The following ZBTB20 variants were observed in gnomAD, a reference collection of about 807,000 sequenced individuals.
ZBTB20 encodes zinc finger and BTB domain containing 20, also known as zinc finger and BTB domain-containing protein 20.
Under a neutral mutation model 56.9 loss-of-function variants are expected in ZBTB20, and 9 were observed. The observed-to-expected ratio is 0.16, with a 90% CI of 0.10 to 0.28. The LOEUF (loss-of-function observed/expected upper bound fraction) is 0.28. ZBTB20 is among the 10% of genes least tolerant of loss of function. The pLI is 1.00. For missense variants in ZBTB20, 655 were observed against 1,003.0 expected (o/e 0.65, Z 4.69); for synonymous variants, 417 against 420.7 (o/e 0.99, Z 0.11).
chr3:114,710,656 G>A (rs1291040735), intron 5 of ZBTB20, among the ~76,000 whole-genome samples: 1 of 152,114 alleles, frequency 6.6e-6, no homozygotes, highest in Admixed American at 6.5e-5. Flanking sequence ...GTTATGCAGA[G>A]TTGAACCACT....
intron 5 of ZBTB20, among the ~76,000 whole-genome samples, chr3:114,778,190 A>C (rs2069767727): frequency 6.7e-6 from 1 of 150,230 alleles, no homozygotes; most frequent in South Asian, 2.1e-4. Flanking sequence ...GCACATGTGT[A>C]CATATGTAAC....
At chr3:114,878,741 G>A (rs2076291335) in intron 4 of ZBTB20, among the ~76,000 whole-genome samples, 1 of 152,120 alleles carries the variant, frequency 6.6e-6, no homozygotes, top group African/African-American at 2.4e-5. Context: ...TCTTGAAGAG[G>A]TTTGTTCAGT....
intron 6 of ZBTB20, among the ~76,000 whole-genome samples, chr3:114,664,295 G>A (rs2060921345): frequency 6.6e-6 from 1 of 151,992 alleles, no homozygotes; most frequent in Admixed American, 6.6e-5. Flanking sequence ...GTAGTGAACT[G>A]AAGTATAAGA....
At chr3:114,823,908 T>C (rs2073383184) in intron 4 of ZBTB20, among the ~76,000 whole-genome samples, 1 of 152,060 alleles carries the variant, frequency 6.6e-6, no homozygotes, top group African/African-American at 2.4e-5. Flanking sequence ...ATTTTGTTTT[T>C]AAACCAAAGC....
intron 2 of ZBTB20, among the ~76,000 whole-genome samples, chr3:115,066,677 C>G (rs1267615911): frequency 1.3e-5 from 2 of 152,122 alleles, no homozygotes; most frequent in Non-Finnish European, 2.9e-5. Flanking sequence ...ATATATAAGG[C>G]ACTTCATGAT....
chr3:115,012,216 C>G (rs1216706893), intron 2 of ZBTB20, among the ~76,000 whole-genome samples: 2 of 151,410 alleles, frequency 1.3e-5, no homozygotes, highest in East Asian at 1.9e-4. Flanking sequence ...TCTTACTTAT[C>G]AAGAATACAT....
intron 6 of ZBTB20, among the ~76,000 whole-genome samples, chr3:114,571,102 T>C (rs1038174972): frequency 2.0e-5 from 3 of 152,172 alleles, no homozygotes; most frequent in African/African-American, 7.2e-5. Flanking sequence ...GAAAATATTT[T>C]CAAAATGATG....
intron 6 of ZBTB20, among the ~76,000 whole-genome samples, chr3:114,594,686 G>C (rs946162576): frequency 1.3e-5 from 2 of 152,138 alleles, no homozygotes; most frequent in African/African-American, 4.8e-5. Flanking sequence ...ACAGCAAAAA[G>C]AGGGTAAGGT....
chr3:114,719,304 A>T (rs532204439), intron 5 of ZBTB20, among the ~76,000 whole-genome samples: 1 of 152,258 alleles, frequency 6.6e-6, no homozygotes, highest in Admixed American at 6.5e-5. Context: ...TCATGGAGAT[A>T]TGAATCCATT....
At chr3:115,133,049 A>G (rs2084553133) in intron 1 of ZBTB20, among the ~76,000 whole-genome samples, 1 of 152,182 alleles carries the variant, frequency 6.6e-6, no homozygotes, top group Non-Finnish European at 1.5e-5. Flanking sequence ...CTTTAACAGA[A>G]TTAGATATTA....
At chr3:114,512,005 T>TA (rs2045455548) in intron 6 of ZBTB20, among the ~76,000 whole-genome samples, 2 of 152,134 alleles carry the variant, frequency 1.3e-5, no homozygotes, top group South Asian at 4.1e-4. Context: ...TTTCAAAGAC[T>TA]CTCCTGCCCA....
intron 3 of ZBTB20, among the ~76,000 whole-genome samples, chr3:114,942,202 G>A (rs1209953891): frequency 6.9e-6 from 1 of 145,404 alleles, no homozygotes; most frequent in Non-Finnish European, 1.5e-5. Context: ...CAGAATGCAT[G>A]TAATCATGTA....
At chr3:115,080,977 T>G (rs532049404) in intron 1 of ZBTB20, among the ~76,000 whole-genome samples, 1 of 152,244 alleles carries the variant, frequency 6.6e-6, no homozygotes, top group Non-Finnish European at 1.5e-5. Flanking sequence ...TGGCACAGAA[T>G]AGAAGAATAT....
intron 5 of ZBTB20, among the ~76,000 whole-genome samples, chr3:114,697,804 A>T (rs2063137339): frequency 6.6e-6 from 1 of 151,978 alleles, no homozygotes; most frequent in African/African-American, 2.4e-5. Flanking sequence ...GGAATGAAGG[A>T]GAGGAAGAAA....
chr3:114,991,513 T>C (rs2108154406), intron 2 of ZBTB20, among the ~76,000 whole-genome samples: 1 of 152,282 alleles, frequency 6.6e-6, no homozygotes, highest in South Asian at 2.1e-4. Flanking sequence ...TGAGGAGTGC[T>C]TTACTTCCAA....
chr3:114,754,009 C>T (rs2067809644), intron 5 of ZBTB20, among the ~76,000 whole-genome samples: 1 of 152,116 alleles, frequency 6.6e-6, no homozygotes, highest in South Asian at 2.1e-4. Flanking sequence ...AAGCTCTTGT[C>T]ATGTTCCTCA....
chr3:114,601,370 T>G (rs1158898459), intron 6 of ZBTB20, among the ~76,000 whole-genome samples: 1 of 152,078 alleles, frequency 6.6e-6, no homozygotes, highest in Non-Finnish European at 1.5e-5. Flanking sequence ...AAGGTGCATT[T>G]ACATTATATT....
chr3:114,839,462 AG>A (rs1224463898), intron 4 of ZBTB20, among the ~76,000 whole-genome samples: 27 of 151,822 alleles, frequency 1.8e-4, no homozygotes, highest in Admixed American at 1.1e-3. Context: ...AAAGAAAGAA[AG>A]AAAGAGAGAG....
chr3:114,372,528 T>C (rs188800009), intron 10 of ZBTB20, among the ~76,000 whole-genome samples: 27 of 152,336 alleles, frequency 1.8e-4, no homozygotes, highest in African/African-American at 6.3e-4. Context: ...TGAACTTTTC[T>C]CAACAATTAG....
Sources: gnomAD v4.1 joint callset for allele counts (sites outside exome capture counted in the v4.1 genomes callset) on GRCh38, gnomAD v4.1.1 for gene constraint, MANE v1.5 for transcripts, NCBI Gene and HGNC (gene_info 2026-07-23, HGNC 2026-07-21) for gene names.